Variants in RARB observed in about 807,000 individuals in gnomAD.
The protein encoded by RARB is retinoic acid receptor beta, also known as HBV-activated protein.
A neutral mutation model predicts 51.9 loss-of-function variants in RARB; 17 were observed. The observed-to-expected ratio is 0.33, with a 90% CI of 0.22 to 0.49. RARB has a LOEUF of 0.49. Ranked by LOEUF, RARB falls within the 20% of genes least tolerant of loss-of-function variation. The pLI is 0.99. For synonymous variants in RARB, 215 were observed against 195.4 expected, an observed-to-expected ratio of 1.10 and a Z score of -0.84; for missense variants, 369 against 550.8, an observed-to-expected ratio of 0.67 and a Z score of 3.30.
At chr3:24,832,141 TAA>T (rs1043373813) in intron 1 of RARB, among the ~76,000 whole-genome samples, 3 of 152,204 alleles carry the variant, frequency 2.0e-5, no homozygotes, top group Non-Finnish European at 4.4e-5. Flanking sequence ...ATAACTGCTT[TAA>T]AAAGGCTCTA....
chr3:25,433,878 A>C (rs1209594070), intron 1 of RARB, among the ~76,000 whole-genome samples: 1 of 152,188 alleles, frequency 6.6e-6, no homozygotes, highest in East Asian at 1.9e-4. Context: ...TAAAGTTGCA[A>C]AAGTTCTCTC....
At chr3:25,094,425 A>C (rs1009013714) in intron 3 of RARB, among the ~76,000 whole-genome samples, 10 of 152,150 alleles carry the variant, frequency 6.6e-5, no homozygotes, top group Non-Finnish European at 1.5e-4. Flanking sequence ...TTTTACAAAA[A>C]GAGGACATTG....
rs112233655 is a variant in RARB at position 25,222,676 on chromosome 3, A to G, written c.178+48101A>G. 5.6e-3 allele frequency among the ~76,000 whole-genome samples: 858 copies of G among 152,356 alleles called. 14 individuals are homozygous for G. Among genetic ancestry groups the G allele is most frequent in the African/African-American group, 0.018 (758 of 41,586 alleles). ...AGGAATGAACACTATTCTGTTTAGAAACTTCACTTCTAATATTCTAATTTT... is the reference window on the plus strand; with the variant it reads ...AGGAATGAACACTATTCTGTTTAGAGACTTCACTTCTAATATTCTAATTTT... On this transcript the variant is annotated intron_variant, in intron 5 of 11. Coordinates refer to the RARB transcript ENST00000383772.
chr3:25,085,825 C>G (rs905129708), intron 3 of RARB, among the ~76,000 whole-genome samples: 6 of 152,118 alleles, frequency 3.9e-5, no homozygotes, highest in Non-Finnish European at 8.8e-5. Context: ...GAAAGTGTAG[C>G]TGAAATTCCT....
At position 25,189,728 on chromosome 3, in the gene RARB, A is replaced by C. The variant is rs374842016; in HGVS notation, c.178+15153A>C. Among the ~76,000 whole-genome samples, 3 of 152,154 alleles carry C rather than the reference A, an allele frequency of 2.0e-5. No individual in the cohort carries two copies. In the South Asian group the frequency reaches 6.2e-4, roughly 32 times the overall value. ...GTGGCAAAACCCTGTCTCTATAAAA[A>C]CACAAAAATTAGCCGGCATGGTGGT... is the stretch of plus-strand genomic sequence containing the variant. On this transcript the variant is annotated intron_variant, in intron 5 of 11. Transcript: ENST00000383772.
chr3:24,829,829 G>A (rs953582106), intron 1 of RARB, among the ~76,000 whole-genome samples: 1 of 152,242 alleles, frequency 6.6e-6, no homozygotes, highest in Non-Finnish European at 1.5e-5. Context: ...TCCCTGCCGG[G>A]TCCAGCGCTG....
intron 2 of RARB, among the ~76,000 whole-genome samples, chr3:24,948,486 G>C (rs1695821240): frequency 6.6e-6 from 1 of 152,194 alleles, no homozygotes. Context: ...TTTTAGGCTA[G>C]CAAACCTCTA....
chr3:25,224,467 A>T (rs539029347), intron 5 of RARB, among the ~76,000 whole-genome samples: 1 of 152,184 alleles, frequency 6.6e-6, no homozygotes, highest in Non-Finnish European at 1.5e-5. Context: ...TCTCCTGGAA[A>T]TCACAATGAA....
intron 1 of RARB, among the ~76,000 whole-genome samples, chr3:24,832,653 T>TATATATATATATATATATATATATATA (rs1169669449): frequency 6.3e-5 from 4 of 63,398 alleles, no homozygotes; most frequent in Admixed American, 1.7e-4. Flanking sequence ...ATATATATAA[T>TATATATATATATATATATATATATATA]GTCAATTAAA....
rs10713675 is a variant in RARB at position 25,293,597 on chromosome 3, T to TAAAAAAAAAAAAAA, written c.178+119030_178+119043dup. Among the ~76,000 whole-genome samples, 264 of 68,610 alleles carry TAAAAAAAAAAAAAA rather than the reference T, an allele frequency of 3.8e-3. 54 individuals carry two copies. Among genetic ancestry groups the TAAAAAAAAAAAAAA allele is most frequent in the South Asian group, 0.012 (18 of 1,460 alleles). 45.0% of individuals were successfully genotyped at this position (68,610 alleles called of 152,430 possible). On this transcript the variant is annotated intron_variant, in intron 5 of 11. Coordinates refer to the RARB transcript ENST00000383772. ...TTCCCGAGGCTAGAGTTACTCCATT[T>TAAAAAAAAAAAAAA]AAAAAAAAAAAAAAAAAAAAAGTTC...
intron 3 of RARB, among the ~76,000 whole-genome samples, chr3:25,546,739 C>T (rs1699635535): frequency 6.6e-6 from 1 of 152,154 alleles, no homozygotes; most frequent in African/African-American, 2.4e-5. Context: ...GTGAGGGAGA[C>T]AGCGAGGGAT....
chr3:25,334,991 G>A (rs1705022603), intron 5 of RARB, among the ~76,000 whole-genome samples: 1 of 152,156 alleles, frequency 6.6e-6, no homozygotes, highest in East Asian at 1.9e-4. Flanking sequence ...GGGTTACTTA[G>A]GGATGGGGAG....
At chr3:24,855,139 T>C (rs1339609386) in intron 1 of RARB, among the ~76,000 whole-genome samples, 1 of 152,144 alleles carries the variant, frequency 6.6e-6, no homozygotes, top group Non-Finnish European at 1.5e-5. Flanking sequence ...ACTGGGAAGA[T>C]AGGAAAGAAG....
chr3:25,499,284 AC>A (rs58454421), intron 2 of RARB, among the ~76,000 whole-genome samples: 5,924 of 152,274 alleles, frequency 0.039, 358 homozygotes, highest in African/African-American at 0.13. Context: ...TCTGTTCAAC[AC>A]ATTTGATGAT....
At chr3:25,480,794 G>T (rs1179232006) in intron 2 of RARB, among the ~76,000 whole-genome samples, 1 of 152,182 alleles carries the variant, frequency 6.6e-6, no homozygotes, top group Non-Finnish European at 1.5e-5. Flanking sequence ...ACAGTAGAGG[G>T]TGGTGGGGAG....
At chr3:24,976,446 T>C (rs1420138892) in intron 2 of RARB, among the ~76,000 whole-genome samples, 1 of 152,198 alleles carries the variant, frequency 6.6e-6, no homozygotes, top group Non-Finnish European at 1.5e-5. Context: ...TTCCTGACTT[T>C]TTAATGATTG....
rs139981812 is a variant in RARB, at chr3:25,320,950, C to T, written c.179-140243C>T. On this transcript the variant is annotated intron_variant, in intron 5 of 11. Transcript: ENST00000383772. ...ACCTGGAAAATTCTGAGGTATCCACCCAACATTGATATTTAAGCATGCTCA... is the reference window on the plus strand; with the variant it reads ...ACCTGGAAAATTCTGAGGTATCCACTCAACATTGATATTTAAGCATGCTCA... Among the ~76,000 whole-genome samples, 1,329 of 152,234 alleles carry T rather than the reference C, an allele frequency of 8.7e-3. 10 individuals are homozygous for T. Among genetic ancestry groups the T allele is most frequent in the Middle Eastern group, 0.027 (8 of 294 alleles).
intron 2 of RARB, among the ~76,000 whole-genome samples, chr3:24,980,495 C>A (rs1696635070): frequency 6.6e-6 from 1 of 152,126 alleles, no homozygotes; most frequent in Non-Finnish European, 1.5e-5. Context: ...CTTGTCTTCT[C>A]ACTTTATTTA....
intron 5 of RARB, among the ~76,000 whole-genome samples, chr3:25,245,667 G>A (rs1257216431): frequency 6.6e-6 from 1 of 152,204 alleles, no homozygotes; most frequent in East Asian, 1.9e-4. Flanking sequence ...TCTGAAGAGA[G>A]ATCTGCTGTT....
Sources: allele counts gnomAD v4.1 joint callset (sites outside exome capture counted in the v4.1 genomes callset), GRCh38; gene constraint gnomAD v4.1.1; transcripts MANE v1.5; gene names NCBI Gene and HGNC (gene_info 2026-07-23, HGNC 2026-07-21).